Variants in BASP1 observed in about 807,000 individuals in gnomAD.
The protein encoded by BASP1 is brain abundant membrane attached signal protein 1, also known as brain acid soluble protein 1.
BASP1 carries 1 observed loss-of-function variant against 2.2 expected under a neutral mutation model. The ratio of observed to expected loss-of-function variants is 0.46; its 90% CI spans 0.16 to 2.17. The LOEUF is 2.17. BASP1 is among the 30% of genes most tolerant of loss of function. BASP1 has a pLI of 0.27. For missense variants in BASP1, 352 were observed against 327.2 expected, an observed-to-expected ratio of 1.08 and a Z score of -0.58; for synonymous variants, 187 against 154.2, an observed-to-expected ratio of 1.21 and a Z score of -1.58.
intron 1 of BASP1, among the ~76,000 whole-genome samples, chr5:17,256,430 G>A (rs1740211726): frequency 1.3e-5 from 2 of 152,168 alleles, no homozygotes; most frequent in Non-Finnish European, 2.9e-5. Context: ...TGCTTCTAGT[G>A]CAGTGCCTGG....
chr5:17,275,783 C>G lies in BASP1; in HGVS notation c.567C>G (p.Ala189=). The G allele has an allele frequency of 1.2e-6, 2 of 1,613,264 alleles. No individual in the cohort carries two copies. Among genetic ancestry groups the G allele is most frequent in the African/African-American group, 1.3e-5 (1 of 75,012 alleles). ...CCTCTTCCAAGGAGACCCCCGCAGC[C>G]ACGGAAGCGCCTAGTTCCACACCCA... ...AAPSSKETPA[A]TEAPSSTPKA... The change falls in exon 2 of 2, where the codon GCC becomes GCG. Residue 189 remains alanine (A), a synonymous_variant. Transcript: ENST00000322611. This position sits in a 1 kb window ranked among gnomAD's most constrained non-coding sequence, Gnocchi z 5.3.
Position 17,275,110 on chromosome 5 carries a change from G to A in BASP1, c.-9-98G>A. On this transcript the variant is annotated intron_variant, in intron 1 of 1. Coordinates refer to ENST00000322611, the MANE Select transcript of BASP1 (RefSeq NM_006317.5). The surrounding 1 kb of genome is among the most constrained non-coding windows in gnomAD (Gnocchi z 5.3). ...CCACCCCTTTGGGGTGTGCAGTGCA[G>A]CAGGCCCAGAACCCCTTGCTTTGCA... 9.0e-7 allele frequency: 1 copy of A among 1,115,100 alleles called. No individual in the cohort carries two copies. Among genetic ancestry groups the A allele is most frequent in the Non-Finnish European group, 1.3e-6 (1 of 762,108 alleles). The allele number at this position is 1,115,100 out of a possible 1,614,324, so 69.1% of individuals were successfully genotyped here.
intron 1 of BASP1, among the ~76,000 whole-genome samples, chr5:17,250,083 A>T (rs987262290): frequency 4.6e-5 from 7 of 152,162 alleles, no homozygotes; most frequent in African/African-American, 1.7e-4. Context: ...CTGGGGTTAC[A>T]GACATGTGCC....
At position 17,236,791 on chromosome 5, in the gene BASP1, A is replaced by C. The variant is rs751340294; in HGVS notation, c.-10+18981A>C. On this transcript the variant is annotated intron_variant, in intron 1 of 1. Transcript: ENST00000322611. This position sits in a 1 kb window ranked among gnomAD's most constrained non-coding sequence, Gnocchi z 4.0. ...AAATATGGTGAGCAATGCACTCTTA[A>C]CTAGACCCATATCTTAAGGGAAAAA... Among the ~76,000 whole-genome samples, 1 of 152,226 alleles carries C rather than the reference A, an allele frequency of 6.6e-6. No homozygotes were observed. The highest frequency in any genetic ancestry group is 1.5e-5 in the Non-Finnish European group (1 of 68,038).
Position 17,275,267 on chromosome 5 carries a change from G to A in BASP1, c.51G>A (p.Glu17=). ...AGAAGGGCTACAATGTGAACGACGA[G>A]AAAGCCAAGGAGAAAGACAAGAAGG... ...KKKKGYNVND[E]KAKEKDKKAE... The change falls in exon 2 of 2, where the codon GAG becomes GAA. Residue 17 remains glutamate, a synonymous_variant. Coordinates refer to ENST00000322611, the MANE Select transcript of BASP1 (RefSeq NM_006317.5). This position sits in a 1 kb window ranked among gnomAD's most constrained non-coding sequence, Gnocchi z 5.3. 1 of 1,613,964 alleles carries A rather than the reference G, an allele frequency of 6.2e-7. No individual in the cohort carries two copies. Among genetic ancestry groups the A allele is most frequent in the Non-Finnish European group, 8.5e-7 (1 of 1,179,992 alleles).
intron 1 of BASP1, among the ~76,000 whole-genome samples, chr5:17,266,427 G>A (rs1740415792): frequency 6.6e-6 from 1 of 152,002 alleles, no homozygotes; most frequent in African/African-American, 2.4e-5. Flanking sequence ...TCTTGCTCTT[G>A]TTCATCTAAG....
At chr5:17,255,834 A>G (rs919552071) in intron 1 of BASP1, among the ~76,000 whole-genome samples, 2 of 152,208 alleles carry the variant, frequency 1.3e-5, no homozygotes, top group Non-Finnish European at 2.9e-5. Context: ...CCTCAAACAT[A>G]TCTGTTGCAA....
intron 1 of BASP1, among the ~76,000 whole-genome samples, chr5:17,270,591 T>A (rs1740512333): frequency 6.6e-6 from 1 of 152,250 alleles, no homozygotes; most frequent in Admixed American, 6.5e-5. Context: ...ATCTTTCTGA[T>A]AACATTAAAC....
At chr5:17,218,809 A>G (rs762672817) in intron 1 of BASP1, among the ~76,000 whole-genome samples, 4 of 146,840 alleles carry the variant, frequency 2.7e-5, no homozygotes, top group African/African-American at 5.1e-5. Context: ...TCGCACGCAC[A>G]ATGCGCGGCT....
Position 17,271,982 on chromosome 5 carries a change from C to T in BASP1, c.-9-3226C>T, listed in dbSNP as rs866360933. On this transcript the variant is annotated intron_variant, in intron 1 of 1. Coordinates refer to ENST00000322611, the MANE Select transcript of BASP1 (RefSeq NM_006317.5). ...CTCGGGAGGCTGGGCAGGAGAATTG[C>T]TTGAACCTGGGAGGCGGAGGTTGCA... 2.7e-5 allele frequency among the ~76,000 whole-genome samples: 4 copies of T among 150,568 alleles called. No homozygotes were observed. In the South Asian group the frequency reaches 8.3e-4, roughly 31 times the overall value.
rs563622019 is a variant in BASP1 at position 17,274,649 on chromosome 5, A to C, written c.-9-559A>C. Among the ~76,000 whole-genome samples, 8 of 152,254 alleles carry C rather than the reference A, an allele frequency of 5.3e-5. 1 individual carries two copies. In the South Asian group the frequency reaches 1.7e-3, roughly 32 times the overall value. On this transcript the variant is annotated intron_variant, in intron 1 of 1. Coordinates refer to ENST00000322611, the MANE Select transcript of BASP1 (RefSeq NM_006317.5). ...CGCTCCTCCTCTCCAGGGTTGACAA[A>C]CTTTGCCTCTAATCACTGATTCTTT...
chr5:17,247,894 C>A (rs1343872422), intron 1 of BASP1, among the ~76,000 whole-genome samples: 1 of 152,156 alleles, frequency 6.6e-6, no homozygotes, highest in African/African-American at 2.4e-5. Flanking sequence ...TCAGCAGTGC[C>A]TCCCTCTTTC....
intron 1 of BASP1, among the ~76,000 whole-genome samples, chr5:17,237,165 A>G (rs1739764754): frequency 6.6e-6 from 1 of 152,130 alleles, no homozygotes; most frequent in South Asian, 2.1e-4. Flanking sequence ...CTAACACGTG[A>G]AAACCTGTCT....
chr5:17,267,426 T>C (rs1217034124), intron 1 of BASP1, among the ~76,000 whole-genome samples: 6 of 152,202 alleles, frequency 3.9e-5, no homozygotes, highest in Non-Finnish European at 8.8e-5. Flanking sequence ...TCTGAGAAGA[T>C]TTTCTAAATA....
In BASP1 at chr5:17,276,102, A is replaced by ATT; in HGVS notation, c.*202_*203insTT. 1 of 162,576 alleles carries ATT rather than the reference A, an allele frequency of 6.2e-6. No individual in the cohort carries two copies. The allele number at this position is 162,576 out of a possible 1,614,324, so 10.1% of individuals were successfully genotyped here. On this transcript the variant is annotated 3_prime_UTR_variant, in exon 2 of 2. Transcript: ENST00000322611. Reference sequence around the variant, plus strand: ...AAAAATACAGGATGTTGTCCCATCAAGGGAGGGAGGGGGTGGGAGAATCCA... The same window carrying ATT: ...AAAAATACAGGATGTTGTCCCATCAATTGGGAGGGAGGGGGTGGGAGAATCCA...
At chr5:17,242,812 C>A (rs74290317) in intron 1 of BASP1, among the ~76,000 whole-genome samples, 1 of 145,322 alleles carries the variant, frequency 6.9e-6, no homozygotes, top group South Asian at 2.2e-4. Context: ...CTTGAGGAGT[C>A]GAAGTAAGTC....
intron 1 of BASP1, among the ~76,000 whole-genome samples, chr5:17,240,050 A>G (rs1220325370): frequency 6.6e-6 from 1 of 152,088 alleles, no homozygotes; most frequent in Non-Finnish European, 1.5e-5. Flanking sequence ...GCCTTTTGGG[A>G]AATGTCGAGG....
chr5:17,244,357 A>G (rs1739933632), intron 1 of BASP1, among the ~76,000 whole-genome samples: 1 of 152,228 alleles, frequency 6.6e-6, no homozygotes, highest in South Asian at 2.1e-4. Context: ...CAAACATAAA[A>G]CATAATAGTG....
chr5:17,275,439 G>A lies in BASP1; in HGVS notation c.223G>A (p.Ala75Thr), dbSNP rs758198878. ...CGAGGAGAAGGAGGGCGAGAAGGAC[G>A]CGGCGGCTGCCAAGGAGGAGGCCCC... ...KAEEKEGEKD[A>T]AAAKEEAPKA... Residue 75 changes from alanine (A) to threonine (T), a missense_variant, in exon 2 of 2, where the codon GCG (alanine) becomes ACG (threonine). Physicochemically the swap from Ala to Thr is moderately conservative, Grantham distance 58. Coordinates refer to ENST00000322611, the MANE Select transcript of BASP1 (RefSeq NM_006317.5). This position sits in a 1 kb window ranked among gnomAD's most constrained non-coding sequence, Gnocchi z 5.3. The A allele has an allele frequency of 9.2e-6, 14 of 1,527,524 alleles. No homozygotes were observed. In the South Asian group the frequency reaches 1.5e-4, roughly 16 times the overall value. 94.6% of individuals were successfully genotyped at this position (1,527,524 alleles called of 1,614,324 possible). A position where few individuals can be genotyped will look rare whatever the true frequency, so the allele number is the denominator to read the frequency against.
Sources: allele counts gnomAD v4.1 joint callset (sites outside exome capture counted in the v4.1 genomes callset), GRCh38; gene constraint gnomAD v4.1.1; non-coding constraint Gnocchi (gnomAD v3.1); transcripts MANE v1.5; gene names NCBI Gene and HGNC (gene_info 2026-07-23, HGNC 2026-07-21).